Variants in KAZN observed in about 807,000 individuals in gnomAD.
KAZN encodes kazrin, periplakin interacting protein.
In KAZN, 40 loss-of-function variants were observed where a neutral mutation model predicts 87.4. That is an observed-to-expected ratio of 0.46 (90% CI 0.36 to 0.60). The LOEUF is 0.60. Ranked by LOEUF, KAZN falls within the 20% of genes least tolerant of loss-of-function variation. KAZN has a pLI of 0.00. For missense variants in KAZN, 898 were observed against 1,073.9 expected, an observed-to-expected ratio of 0.84 and a Z score of 2.29; for synonymous variants, 466 against 458.3, an observed-to-expected ratio of 1.02 and a Z score of -0.22.
intron 2 of KAZN, among the ~76,000 whole-genome samples, chr1:14,373,437 C>G (rs987871119): frequency 1.3e-5 from 2 of 152,128 alleles, no homozygotes; most frequent in African/African-American, 4.8e-5. Flanking sequence ...GGCAGAGAGA[C>G]AGAATTCAAC....
At chr1:14,147,133 T>C (rs1357094868) in intron 1 of KAZN, among the ~76,000 whole-genome samples, 1 of 152,212 alleles carries the variant, frequency 6.6e-6, no homozygotes, top group Non-Finnish European at 1.5e-5. Context: ...CAATGCACAA[T>C]ATACATAACA....
At chr1:14,401,921 C>T (rs1425390191) in intron 2 of KAZN, among the ~76,000 whole-genome samples, 1 of 151,986 alleles carries the variant, frequency 6.6e-6, no homozygotes, top group East Asian at 1.9e-4. Context: ...ATAGGCAAGT[C>T]TTTCCAGTAA....
intron 1 of KAZN, among the ~76,000 whole-genome samples, chr1:14,940,963 T>C (rs1343898555): frequency 2.2e-5 from 3 of 133,410 alleles, no homozygotes; most frequent in Non-Finnish European, 4.6e-5. Flanking sequence ...TCGACCAGGC[T>C]GGAGTGCAGT....
intron 1 of KAZN, among the ~76,000 whole-genome samples, chr1:14,758,247 C>A (rs551810515): frequency 9.4e-4 from 143 of 152,164 alleles, no homozygotes; most frequent in African/African-American, 3.3e-3. Context: ...CTCACTGCAG[C>A]CTCAACCTCC....
intron 2 of KAZN, among the ~76,000 whole-genome samples, chr1:15,005,995 G>A (rs1668964001): frequency 6.6e-6 from 1 of 152,084 alleles, no homozygotes; most frequent in Admixed American, 6.5e-5. Context: ...AGGATGGCTG[G>A]AAACTTGAAG....
intron 2 of KAZN, among the ~76,000 whole-genome samples, chr1:14,530,267 G>C (rs1387021340): frequency 2.6e-5 from 4 of 152,172 alleles, no homozygotes; most frequent in Admixed American, 6.5e-5. Context: ...AGCAGACTGA[G>C]CTCACCCCAA....
intron 2 of KAZN, among the ~76,000 whole-genome samples, chr1:15,018,181 A>T (rs542210545): frequency 4.3e-4 from 65 of 152,260 alleles, no homozygotes; most frequent in African/African-American, 1.5e-3. Context: ...TTACTATGAG[A>T]TAGTTTATCA....
intron 2 of KAZN, among the ~76,000 whole-genome samples, chr1:14,330,476 T>A (rs1557643706): frequency 6.6e-6 from 1 of 152,194 alleles, no homozygotes; most frequent in East Asian, 1.9e-4. Context: ...CAGACCACAC[T>A]CTCTCCCATT....
intron 1 of KAZN, among the ~76,000 whole-genome samples, chr1:14,678,825 C>A (rs565164248): frequency 6.6e-6 from 1 of 152,168 alleles, no homozygotes; most frequent in African/African-American, 2.4e-5. Flanking sequence ...ATAATATAGC[C>A]CTTATGTAAT....
At chr1:14,076,229 C>A (rs1218502382) in intron 1 of KAZN, among the ~76,000 whole-genome samples, 1 of 151,832 alleles carries the variant, frequency 6.6e-6, no homozygotes, top group South Asian at 2.1e-4. Flanking sequence ...TGCGGTGAGC[C>A]GAGATCACGT....
At chr1:14,195,994 AG>A (rs1646518701) in intron 2 of KAZN, among the ~76,000 whole-genome samples, 1 of 152,114 alleles carries the variant, frequency 6.6e-6, no homozygotes, top group Non-Finnish European at 1.5e-5. Flanking sequence ...CAATATATGT[AG>A]GGTGGTCCAA....
intron 1 of KAZN, among the ~76,000 whole-genome samples, chr1:13,900,339 C>A (rs757089982): frequency 6.6e-6 from 1 of 152,124 alleles, no homozygotes; most frequent in African/African-American, 2.4e-5. Flanking sequence ...CCCTCCCTGC[C>A]CAATCCCTCA....
intron 2 of KAZN, among the ~76,000 whole-genome samples, chr1:14,512,491 C>T (rs1198171324): frequency 7.6e-6 from 1 of 132,040 alleles, no homozygotes; most frequent in Non-Finnish European, 1.6e-5. Flanking sequence ...CCCACCCCAA[C>T]CCTAGTTGAG....
chr1:14,293,797 A>G (rs1653902767), intron 2 of KAZN, among the ~76,000 whole-genome samples: 1 of 152,142 alleles, frequency 6.6e-6, no homozygotes, highest in Admixed American at 6.5e-5. Context: ...TTCTGAATAC[A>G]GCATATAGCA....
chr1:14,265,233 G>A (rs1651382713), intron 2 of KAZN, among the ~76,000 whole-genome samples: 1 of 152,174 alleles, frequency 6.6e-6, no homozygotes, highest in South Asian at 2.1e-4. Context: ...TGGCTGAAGA[G>A]ATCTGTCAGG....
chr1:14,297,369 C>T (rs759399947), intron 2 of KAZN, among the ~76,000 whole-genome samples: 11 of 152,204 alleles, frequency 7.2e-5, no homozygotes, highest in Non-Finnish European at 1.2e-4. Flanking sequence ...AACTGATTTT[C>T]GTTAGTCTCA....
intron 2 of KAZN, among the ~76,000 whole-genome samples, chr1:14,283,121 T>C (rs759161443): frequency 1.3e-5 from 2 of 152,160 alleles, no homozygotes; most frequent in Admixed American, 6.5e-5. Context: ...TCATTTCCTT[T>C]CTTTCTTTCT....
At position 14,598,963 on chromosome 1, in the gene KAZN, G is replaced by C; in HGVS notation, c.-35G>C. 6.4e-7 allele frequency: 1 copy of C among 1,561,262 alleles called. No individual in the cohort carries two copies. The highest frequency in any genetic ancestry group is 2.6e-5 in the East Asian group (1 of 37,826). ...CCCCCCGCGCATCATGCAGCTCTTT[G>C]TCACCTCTCTCGCCCCCAGGCCAAA... On this transcript the variant is annotated 5_prime_UTR_variant, in exon 1 of 15. Transcript: ENST00000376030. This position sits in a 1 kb window ranked among gnomAD's most constrained non-coding sequence, Gnocchi z 4.2.
chr1:14,974,009 A>C (rs1665357087), intron 2 of KAZN, among the ~76,000 whole-genome samples: 1 of 151,984 alleles, frequency 6.6e-6, no homozygotes, highest in Non-Finnish European at 1.5e-5. Flanking sequence ...CTTCCATGCT[A>C]TTCCTCTGGA....
Sources: gnomAD v4.1 joint callset for allele counts (sites outside exome capture counted in the v4.1 genomes callset) on GRCh38, gnomAD v4.1.1 for gene constraint, Gnocchi (gnomAD v3.1) non-coding constraint, MANE v1.5 for transcripts, NCBI Gene and HGNC (gene_info 2026-07-23, HGNC 2026-07-21) for gene names.